PHLDB3: variants seen among roughly 807,000 people sequenced by gnomAD.
PHLDB3 encodes the protein pleckstrin homology like domain family B member 3, also known as pleckstrin homology-like domain family B member 3.
In PHLDB3, 86 loss-of-function variants were observed where a neutral mutation model predicts 85.7. That is an observed-to-expected ratio of 1.00 (90% CI 0.84 to 1.20). The LOEUF (loss-of-function observed/expected upper bound fraction) is 1.20. Ranked by LOEUF, PHLDB3 falls within the 50% of genes most tolerant of loss-of-function variation. The pLI is 0.00. For synonymous variants in PHLDB3, 376 were observed against 349.8 expected (o/e 1.07, Z -0.83); for missense variants, 995 against 873.0 (o/e 1.14, Z -1.76).
chr19:43,497,306 G>A, intron 5 of PHLDB3, 27 bp from the exon 6 acceptor site: 1 of 1,395,458 alleles, frequency 7.2e-7, no homozygotes, highest in Non-Finnish European at 9.4e-7. Flanking sequence ...AAAAAGGGTG[G>A]AGGCCTGAAT....
chr19:43,501,715 C>G lies in PHLDB3; in HGVS notation c.534+19G>C, dbSNP rs1971603093. 1.3e-6 allele frequency: 2 copies of G among 1,575,608 alleles called. No homozygotes were observed. The highest frequency in any genetic ancestry group is 2.3e-5 in the East Asian group (1 of 43,480). On this transcript the variant is annotated intron_variant, in intron 4 of 15. Coordinates refer to ENST00000292140, the MANE Select transcript of PHLDB3 (RefSeq NM_198850.4). ...CCAGGAAGGACACTGCTGATGAAGA[C>G]CCGGTGAGCCAAACAGACCTGTTCC...
At chr19:43,482,831 C>T (rs774988457) in intron 13 of PHLDB3, among the ~76,000 whole-genome samples, 5 of 152,188 alleles carry the variant, frequency 3.3e-5, no homozygotes, top group Admixed American at 3.3e-4. Context: ...AGCCACCACG[C>T]CTGGCCTGTG....
intron 12 of PHLDB3, 70 bp downstream of exon 12, chr19:43,486,539 G>A: frequency 6.6e-7 from 1 of 1,517,134 alleles, no homozygotes; most frequent in Non-Finnish European, 8.9e-7. Context: ...GGAGTTGGGG[G>A]TCTCCCAGGT....
chr19:43,502,615 T>C (rs1971639567), intron 2 of PHLDB3, among the ~76,000 whole-genome samples: 1 of 50,644 alleles, frequency 2.0e-5, no homozygotes. Context: ...CGCCAAGCTC[T>C]TTTTTTTTTT....
intron 9 of PHLDB3, among the ~76,000 whole-genome samples, chr19:43,489,773 G>A (rs371631379): frequency 2.5e-4 from 38 of 152,078 alleles, no homozygotes; most frequent in African/African-American, 8.4e-4. Context: ...CTGGAAGGCC[G>A]AGGCAGGCAG....
intron 9 of PHLDB3, among the ~76,000 whole-genome samples, chr19:43,492,701 C>G (rs1438741547): frequency 1.3e-5 from 2 of 151,772 alleles, no homozygotes; most frequent in Non-Finnish European, 2.9e-5. Context: ...CCAGCTCTGC[C>G]ACATACTAGC....
In PHLDB3 at chr19:43,486,812, G is replaced by A; in HGVS notation, c.1308C>T (p.Leu436=). The A allele has an allele frequency of 6.3e-7, 1 of 1,593,928 alleles. No homozygotes were observed. The highest frequency in any genetic ancestry group is 1.1e-5 in the South Asian group (1 of 87,862). ...CACGGCCACAGTTCAGCAGCTGGTA[G>A]AGGGGGTATCTGCCGGAGTCCCCCA... ...PAVGDSGRYP[L]YQLLNCGRGN... is the part of the protein sequence containing the mutation. The change falls in exon 11 of 16, where the codon CTC becomes CTT. Residue 436 remains leucine, a synonymous_variant. Coordinates refer to ENST00000292140, the MANE Select transcript of PHLDB3 (RefSeq NM_198850.4).
intron 9 of PHLDB3, 30 bp from the exon 10 acceptor site, chr19:43,487,153 G>GAA: frequency 6.5e-7 from 1 of 1,543,684 alleles, no homozygotes; most frequent in Non-Finnish European, 8.8e-7. Context: ...ATGAGCATAG[G>GAA]AAAAAGGCTT....
intron 6 of PHLDB3, chr19:43,496,574 C>G (rs1971462380): frequency 6.5e-6 from 1 of 152,744 alleles, no homozygotes; most frequent in Non-Finnish European, 1.5e-5. Flanking sequence ...TCGCTTGAAT[C>G]CAAGAGTTTA....
intron 13 of PHLDB3, among the ~76,000 whole-genome samples, chr19:43,480,264 T>TAAA (rs57417757): frequency 1.4e-5 from 1 of 71,612 alleles, no homozygotes; most frequent in East Asian, 4.9e-4. Flanking sequence ...CTTCTCTATT[T>TAAA]AAAAAAAAAA....
intron 9 of PHLDB3, among the ~76,000 whole-genome samples, chr19:43,490,990 C>A (rs188271639): frequency 1.3e-3 from 198 of 152,310 alleles, no homozygotes; most frequent in African/African-American, 4.1e-3. Context: ...TAGAAGCATG[C>A]ATGGCCCCCA....
At chr19:43,486,588 G>T in intron 12 of PHLDB3, 21 bp downstream of exon 12, 1 of 1,608,240 alleles carries the variant, frequency 6.2e-7, no homozygotes, top group Non-Finnish European at 8.5e-7. Flanking sequence ...CTGTTCCGAA[G>T]AGGATGGCCT....
chr19:43,477,322 C>A (rs1970947531), intron 15 of PHLDB3, among the ~76,000 whole-genome samples: 1 of 148,476 alleles, frequency 6.7e-6, no homozygotes, highest in Non-Finnish European at 1.5e-5. Context: ...AGTTCGAGAC[C>A]AGCCTGGCCA....
At chr19:43,498,157 G>C (rs112596244) in intron 4 of PHLDB3, among the ~76,000 whole-genome samples, 2 of 152,066 alleles carry the variant, frequency 1.3e-5, no homozygotes, top group African/African-American at 4.8e-5. Context: ...GGGCAACATA[G>C]GGGGAGCCCA....
At position 43,501,414 on chromosome 19, in the gene PHLDB3, A is replaced by AG. The variant is rs570525194; in HGVS notation, c.534+319dup. 786 of 345,900 alleles carry AG rather than the reference A, an allele frequency of 2.3e-3. 3 individuals carry two copies. Among genetic ancestry groups the AG allele is most frequent in the Admixed American group, 4.0e-3 (84 of 21,138 alleles). 21.4% of individuals were successfully genotyped at this position (345,900 alleles called of 1,614,324 possible). A position where few individuals can be genotyped will look rare whatever the true frequency, so the allele number is the denominator to read the frequency against. On this transcript the variant is annotated intron_variant, in intron 4 of 15. Coordinates refer to ENST00000292140, the MANE Select transcript of PHLDB3 (RefSeq NM_198850.4). ...TGCCCAGGCTGGTCTCAAACTCCTG[A>AG]GCTCAGGCAATCCGCCCGCCTCGGC...
chr19:43,504,082 G>A lies in PHLDB3; in HGVS notation c.37C>T (p.Pro13Ser), dbSNP rs1237268696. Residue 13 changes from proline (P) to serine (S), a missense_variant, in exon 2 of 16, where the codon CCG becomes TCG. Transcript: ENST00000292140. ...TRSSPEEGTP[P>S]PLVPECDVEV... The stretch of plus-strand genomic sequence containing the variant: ...ACGTCGCATTCCGGGACCAGCGGCG[G>A]CGGGGTCCCCTCCTCGGGGCTGCTT... 1 of 1,611,644 alleles carries A rather than the reference G, an allele frequency of 6.2e-7. No homozygotes were observed. The highest frequency in any genetic ancestry group is 8.5e-7 in the Non-Finnish European group (1 of 1,179,012).
chr19:43,487,591 A>AAAAAACAAAAAAAAAAAAAAAAAAC (rs1167897767), intron 9 of PHLDB3, among the ~76,000 whole-genome samples: 6 of 115,812 alleles, frequency 5.2e-5, no homozygotes, highest in African/African-American at 1.6e-4. Flanking sequence ...AAAAAAAAAA[A>AAAAAACAAAAAAAAAAAAAAAAAAC]ACACAGAAAA....
Position 43,475,326 on chromosome 19 carries a change from G to A in PHLDB3, c.*84C>T. ...CCAAAGCGGTGCGTCCAAGTTTTCC[G>A]GCAGTGGGCGGGGCCTAGGAACGCC... On this transcript the variant is annotated 3_prime_UTR_variant, in exon 16 of 16. Transcript: ENST00000292140. The A allele has an allele frequency of 1.3e-6, 2 of 1,526,746 alleles. No individual in the cohort carries two copies. The highest frequency in any genetic ancestry group is 1.2e-5 in the South Asian group (1 of 82,546). The allele number at this position is 1,526,746 out of a possible 1,614,324, so 94.6% of individuals were successfully genotyped here.
Position 43,501,277 on chromosome 19 carries a change from G to A in PHLDB3, c.534+457C>T, listed in dbSNP as rs559154336. Among the ~76,000 whole-genome samples the A allele has an allele frequency of 2.7e-5, 4 of 147,296 alleles. No homozygotes were observed. In the South Asian group the frequency reaches 6.6e-4, roughly 24 times the overall value. Reference sequence around the variant, plus strand: ...TGGCTCACTGCAACCTCCATCTCCCGGATTCAAGCGATTCTCCTGCCTCAG... The same window carrying A: ...TGGCTCACTGCAACCTCCATCTCCCAGATTCAAGCGATTCTCCTGCCTCAG... On this transcript the variant is annotated intron_variant, in intron 4 of 15. Coordinates refer to ENST00000292140, the MANE Select transcript of PHLDB3 (RefSeq NM_198850.4).
Sources: gnomAD v4.1 joint callset for allele counts (sites outside exome capture counted in the v4.1 genomes callset) on GRCh38, gnomAD v4.1.1 for gene constraint, MANE v1.5 for transcripts, NCBI Gene and HGNC (gene_info 2026-07-23, HGNC 2026-07-21) for gene names.